The following FILIP1L variants were observed in gnomAD, a reference collection of about 807,000 sequenced individuals.
The protein encoded by FILIP1L is filamin A interacting protein 1 like, also known as filamin A-interacting protein 1-like.
In FILIP1L, 55 loss-of-function variants were observed where a neutral mutation model predicts 96.6. That is an observed-to-expected ratio of 0.57 (90% CI 0.46 to 0.71). The LOEUF is 0.71. Ranked by LOEUF, FILIP1L falls within the 30% of genes least tolerant of loss-of-function variation. FILIP1L has a pLI of 0.00. For missense variants in FILIP1L, 1,304 were observed against 1,321.2 expected (o/e 0.99, Z 0.20); for synonymous variants, 467 against 473.9 (o/e 0.99, Z 0.19).
chr3:99,971,257 G>A (rs527500685), intron 1 of FILIP1L, among the ~76,000 whole-genome samples: 23 of 151,542 alleles, frequency 1.5e-4, no homozygotes, highest in South Asian at 2.1e-4. Flanking sequence ...GGAGAATGGC[G>A]TGAACCCGGG....
intron 1 of FILIP1L, among the ~76,000 whole-genome samples, chr3:100,005,558 C>A (rs552731437): frequency 6.6e-6 from 1 of 152,250 alleles, no homozygotes; most frequent in African/African-American, 2.4e-5. Context: ...GTGTAATAAA[C>A]CAAATTTTAC....
chr3:99,903,946 T>C (rs1384697771), intron 4 of FILIP1L, among the ~76,000 whole-genome samples: 1 of 152,200 alleles, frequency 6.6e-6, no homozygotes, highest in Non-Finnish European at 1.5e-5. Context: ...AAATATGGCT[T>C]CAAGTAATAG....
rs1046940215 is a variant in FILIP1L, at chr3:99,829,025, G to A, written c.*1389C>T. On this transcript the variant is annotated 3_prime_UTR_variant, in exon 6 of 6. Coordinates refer to ENST00000477258, the MANE Select transcript of FILIP1L (RefSeq NM_001387850.1). ...TCCTCCTTGAAATTGCAGGGGCCTG[G>A]GGGTGTTTGTACAGTGGCATTAGTG... 1.3e-5 allele frequency among the ~76,000 whole-genome samples: 2 copies of A among 151,972 alleles called. No individual in the cohort carries two copies. Among genetic ancestry groups the A allele is most frequent in the African/African-American group, 2.4e-5 (1 of 41,354 alleles).
intron 4 of FILIP1L, among the ~76,000 whole-genome samples, chr3:99,923,960 C>T (rs75597220): frequency 0.031 from 4,762 of 152,316 alleles, 200 homozygotes; most frequent in South Asian, 0.12. Flanking sequence ...AGGGACTAGA[C>T]CCCTGTTGCC....
intron 4 of FILIP1L, among the ~76,000 whole-genome samples, chr3:99,873,487 TTAAA>T (rs777024625): frequency 2.0e-5 from 3 of 152,208 alleles, no homozygotes; most frequent in Non-Finnish European, 4.4e-5. Context: ...CCTTTTTCCT[TTAAA>T]TAGGAGGGGC....
intron 1 of FILIP1L, among the ~76,000 whole-genome samples, chr3:99,955,249 G>A (rs10936005): frequency 0.71 from 107,888 of 152,074 alleles, 38,599 homozygotes; most frequent in East Asian, 0.81. Context: ...CTCACACAGA[G>A]GATGGAACAG....
intron 1 of FILIP1L, among the ~76,000 whole-genome samples, chr3:100,053,973 C>A (rs1033978085): frequency 1.3e-5 from 2 of 152,226 alleles, no homozygotes; most frequent in Non-Finnish European, 2.9e-5. Flanking sequence ...AAATTCTATA[C>A]TTTGTTCTTT....
At chr3:100,003,411 A>C (rs1709898636) in intron 1 of FILIP1L, among the ~76,000 whole-genome samples, 1 of 152,148 alleles carries the variant, frequency 6.6e-6, no homozygotes, top group South Asian at 2.1e-4. Context: ...CAGTTTAACC[A>C]ATGCACCTAG....
intron 1 of FILIP1L, among the ~76,000 whole-genome samples, chr3:100,018,611 A>C (rs988726782): frequency 6.6e-6 from 1 of 152,126 alleles, no homozygotes; most frequent in Non-Finnish European, 1.5e-5. Context: ...CTAGTAGAAA[A>C]CAAAAAAAAA....
Position 99,929,882 on chromosome 3 carries a change from C to T in FILIP1L, c.400G>A (p.Asp134Asn). The T allele has an allele frequency of 6.2e-7, 1 of 1,613,258 alleles. No individual in the cohort carries two copies. The highest frequency in any genetic ancestry group is 8.5e-7 in the Non-Finnish European group (1 of 1,179,658). Residue 134 changes from aspartate (D) to asparagine (N), a missense_variant, in exon 3 of 6, where the codon GAC becomes AAC. Coordinates refer to ENST00000477258, the MANE Select transcript of FILIP1L (RefSeq NM_001387850.1). The part of the protein sequence containing the change: ...FQAKSTPWQE[D>N]IYEKPMNELD... Reference sequence around the variant, plus strand: ...TCATTCATTGGTTTCTCATAGATGTCCTCCTGCCAAGGGGTAGATTTCGCT... The same window carrying T: ...TCATTCATTGGTTTCTCATAGATGTTCTCCTGCCAAGGGGTAGATTTCGCT...
intron 1 of FILIP1L, among the ~76,000 whole-genome samples, chr3:100,044,205 T>C (rs1430391225): frequency 6.6e-6 from 1 of 152,244 alleles, no homozygotes; most frequent in Admixed American, 6.5e-5. Context: ...CAAATTTTGA[T>C]TGAGCGTCTT....
intron 1 of FILIP1L, among the ~76,000 whole-genome samples, chr3:99,934,937 AGTG>A (rs1427562585): frequency 6.6e-6 from 1 of 152,214 alleles, no homozygotes; most frequent in African/African-American, 2.4e-5. Flanking sequence ...TGATTAATGA[AGTG>A]GTGTTCACAT....
intron 1 of FILIP1L, among the ~76,000 whole-genome samples, chr3:99,992,822 A>G (rs533380894): frequency 6.6e-6 from 1 of 152,188 alleles, no homozygotes; most frequent in East Asian, 1.9e-4. Flanking sequence ...TCTTTAATCC[A>G]TCTTGGGTTA....
intron 1 of FILIP1L, among the ~76,000 whole-genome samples, chr3:100,057,901 C>T (rs761353922): frequency 2.6e-5 from 4 of 152,114 alleles, no homozygotes; most frequent in Non-Finnish European, 5.9e-5. Context: ...CTCAAAGATC[C>T]TGATGACCTT....
intron 1 of FILIP1L, among the ~76,000 whole-genome samples, chr3:100,061,002 G>A (rs774078911): frequency 2.0e-5 from 3 of 152,336 alleles, no homozygotes; most frequent in Non-Finnish European, 4.4e-5. Context: ...TTGCAGCATA[G>A]CAATAGCCAC....
At chr3:99,884,940 A>G (rs1280219978) in intron 4 of FILIP1L, among the ~76,000 whole-genome samples, 1 of 152,010 alleles carries the variant, frequency 6.6e-6, no homozygotes, top group African/African-American at 2.4e-5. Flanking sequence ...CACAAATATT[A>G]TTTGCTAAGG....
intron 1 of FILIP1L, among the ~76,000 whole-genome samples, chr3:100,019,637 T>C (rs1006847978): frequency 6.6e-6 from 1 of 152,230 alleles, no homozygotes; most frequent in Non-Finnish European, 1.5e-5. Flanking sequence ...ATCTTGACTA[T>C]TGCTGTTGAC....
intron 1 of FILIP1L, among the ~76,000 whole-genome samples, chr3:100,035,375 G>A (rs1264297503): frequency 2.6e-5 from 4 of 152,168 alleles, no homozygotes; most frequent in Non-Finnish European, 5.9e-5. Context: ...CTGGGTTCAA[G>A]CAATTCTCCT....
intron 1 of FILIP1L, among the ~76,000 whole-genome samples, chr3:100,088,003 A>G (rs1022224469): frequency 2.0e-4 from 31 of 151,760 alleles, no homozygotes; most frequent in African/African-American, 6.5e-4. Context: ...GCTAATTTTT[A>G]TATTTGTAGT....
Sources: allele counts gnomAD v4.1 joint callset (sites outside exome capture counted in the v4.1 genomes callset), GRCh38; gene constraint gnomAD v4.1.1; transcripts MANE v1.5; gene names NCBI Gene and HGNC (gene_info 2026-07-23, HGNC 2026-07-21).